FYN: variants seen among roughly 807,000 people sequenced by gnomAD.
FYN encodes the protein tyrosine-protein kinase Fyn.
FYN carries 10 observed loss-of-function variants against 70.2 expected under a neutral mutation model. That is an observed-to-expected ratio of 0.14 (90% CI 0.09 to 0.24). The LOEUF (loss-of-function observed/expected upper bound fraction) is 0.24. Ranked by LOEUF, FYN falls within the 10% of genes least tolerant of loss-of-function variation. The pLI is 1.00. For missense variants in FYN, 319 were observed against 673.1 expected, an observed-to-expected ratio of 0.47 and a Z score of 5.82; for synonymous variants, 236 against 248.6, an observed-to-expected ratio of 0.95 and a Z score of 0.48.
chr6:111,719,159 G>A (rs536042202), intron 4 of FYN, among the ~76,000 whole-genome samples: 2 of 152,144 alleles, frequency 1.3e-5, no homozygotes, highest in East Asian at 3.8e-4. Context: ...AGAAAATTTG[G>A]ATGACTAGGG....
In FYN at chr6:111,746,606, T is replaced by C. The variant is rs149784311; in HGVS notation, c.-11-26544A>G. ...GAATATACCACTACTTAGTAGCTTT[T>C]TAACAGTTCTCTCTTTTGCTAAATA... is the stretch of plus-strand genomic sequence containing the variant. On this transcript the variant is annotated intron_variant, in intron 3 of 13. Coordinates refer to ENST00000354650, the MANE Select transcript of FYN (RefSeq NM_002037.5). 2.2e-3 allele frequency among the ~76,000 whole-genome samples: 332 copies of C among 152,318 alleles called. 1 individual carries two copies. Among genetic ancestry groups the C allele is most frequent in the African/African-American group, 7.7e-3 (320 of 41,580 alleles).
chr6:111,717,444 A>G (rs1443749885), intron 4 of FYN, among the ~76,000 whole-genome samples: 1 of 152,052 alleles, frequency 6.6e-6, no homozygotes, highest in Non-Finnish European at 1.5e-5. Context: ...TGACCTACAG[A>G]AATGACAGGG....
intron 4 of FYN, among the ~76,000 whole-genome samples, chr6:111,718,385 T>C (rs1800771009): frequency 6.6e-6 from 1 of 152,186 alleles, no homozygotes; most frequent in South Asian, 2.1e-4. Context: ...TCAAATTTTA[T>C]AAGGGATCAG....
chr6:111,718,354 G>C (rs1800768609), intron 4 of FYN, among the ~76,000 whole-genome samples: 1 of 152,210 alleles, frequency 6.6e-6, no homozygotes, highest in Non-Finnish European at 1.5e-5. Flanking sequence ...GCCAACATTT[G>C]GGAGTACTGT....
intron 3 of FYN, among the ~76,000 whole-genome samples, chr6:111,721,635 C>T (rs371302730): frequency 8.4e-4 from 127 of 152,058 alleles, no homozygotes; most frequent in African/African-American, 3.0e-3. Flanking sequence ...GAACTCCTGA[C>T]CTCAGGTGAT....
intron 4 of FYN, among the ~76,000 whole-genome samples, chr6:111,718,027 G>A (rs559137361): frequency 7.4e-4 from 113 of 152,304 alleles, no homozygotes; most frequent in African/African-American, 2.6e-3. Flanking sequence ...GTGGGTGCCC[G>A]TAAGGTCATG....
chr6:111,708,048 G>A (rs756453926), intron 5 of FYN, 28 bp from the exon 6 acceptor site: 2 of 1,551,814 alleles, frequency 1.3e-6, no homozygotes, highest in South Asian at 2.2e-5. Flanking sequence ...AAGTAAATAT[G>A]TTGACCATTT....
At chr6:111,684,658 T>C (rs955511691) in intron 12 of FYN, among the ~76,000 whole-genome samples, 8 of 152,176 alleles carry the variant, frequency 5.3e-5, no homozygotes, top group Non-Finnish European at 1.0e-4. Context: ...TCTGGGCTGC[T>C]TGCCTTTCTC....
At chr6:111,764,335 T>C (rs768072500) in intron 3 of FYN, among the ~76,000 whole-genome samples, 2 of 151,898 alleles carry the variant, frequency 1.3e-5, no homozygotes, top group African/African-American at 2.4e-5. Context: ...CTGGGGTTAC[T>C]GGTGCAGGGT....
At chr6:111,785,795 T>A (rs1771350085) in intron 2 of FYN, among the ~76,000 whole-genome samples, 2 of 150,528 alleles carry the variant, frequency 1.3e-5, no homozygotes, top group South Asian at 4.2e-4. Flanking sequence ...CATAGGTATA[T>A]CTCCTAATGC....
At chr6:111,683,318 C>T (rs1287149027) in intron 12 of FYN, among the ~76,000 whole-genome samples, 2 of 152,228 alleles carry the variant, frequency 1.3e-5, no homozygotes, top group South Asian at 2.1e-4. Flanking sequence ...GCTCTCCTTG[C>T]GGTGGGGAGG....
chr6:111,853,074 A>C (rs752055086), intron 1 of FYN, among the ~76,000 whole-genome samples: 2 of 151,782 alleles, frequency 1.3e-5, no homozygotes, highest in Non-Finnish European at 2.9e-5. Context: ...GTTTTCCCCA[A>C]ATCACCCAGA....
At chr6:111,739,707 T>C (rs1384602976) in intron 3 of FYN, among the ~76,000 whole-genome samples, 2 of 152,256 alleles carry the variant, frequency 1.3e-5, no homozygotes, top group African/African-American at 4.8e-5. Flanking sequence ...ATGATTAAGA[T>C]GAAGGGTTTC....
At chr6:111,829,177 G>T (rs1180773933) in intron 2 of FYN, among the ~76,000 whole-genome samples, 1 of 152,202 alleles carries the variant, frequency 6.6e-6, no homozygotes, top group East Asian at 1.9e-4. Context: ...AGATTCCAGA[G>T]CCTGAAGTCA....
intron 3 of FYN, among the ~76,000 whole-genome samples, chr6:111,741,952 C>T (rs1801996201): frequency 2.6e-5 from 4 of 152,194 alleles, no homozygotes; most frequent in Admixed American, 2.6e-4. Flanking sequence ...GCCATATTGC[C>T]TCTTACGGCT....
chr6:111,713,300 T>G (rs2128456512), intron 5 of FYN, among the ~76,000 whole-genome samples: 1 of 152,288 alleles, frequency 6.6e-6, no homozygotes, highest in South Asian at 2.1e-4. Flanking sequence ...ATGTGCAGTG[T>G]GACCAGGGCT....
intron 13 of FYN, 72 bp downstream of exon 13, chr6:111,674,427 G>T: frequency 6.6e-7 from 1 of 1,511,558 alleles, no homozygotes; most frequent in Non-Finnish European, 9.0e-7. Flanking sequence ...AAGCAAAGTG[G>T]ATGAAGTTTT....
chr6:111,731,012 G>T (rs1479672738), intron 3 of FYN, among the ~76,000 whole-genome samples: 1 of 152,192 alleles, frequency 6.6e-6, no homozygotes, highest in Admixed American at 6.5e-5. Flanking sequence ...AAGGGTCAGG[G>T]TGTCACCTGG....
intron 3 of FYN, among the ~76,000 whole-genome samples, chr6:111,772,734 G>A (rs1316386762): frequency 1.3e-5 from 2 of 150,888 alleles, no homozygotes; most frequent in Non-Finnish European, 3.0e-5. Flanking sequence ...GTAAGGCACT[G>A]TATAGCACAG....
Sources: allele counts gnomAD v4.1 joint callset (sites outside exome capture counted in the v4.1 genomes callset), GRCh38; gene constraint gnomAD v4.1.1; transcripts MANE v1.5; gene names NCBI Gene and HGNC (gene_info 2026-07-23, HGNC 2026-07-21).